The following PRKD3 variants were observed in gnomAD, a reference collection of about 807,000 sequenced individuals.
The protein encoded by PRKD3 is serine/threonine-protein kinase D3.
PRKD3 carries 47 observed loss-of-function variants against 99.2 expected under a neutral mutation model. The ratio of observed to expected loss-of-function variants is 0.47; its 90% CI spans 0.38 to 0.60. PRKD3 has a LOEUF of 0.60. Among genes scored for constraint, PRKD3 ranks in the 20% least tolerant of loss-of-function variants. PRKD3 has a pLI of 0.00. For synonymous variants in PRKD3, 392 were observed against 355.4 expected (o/e 1.10, Z -1.16); for missense variants, 1,019 against 1,088.4 (o/e 0.94, Z 0.90).
At position 37,286,329 on chromosome 2, in the gene PRKD3, C is replaced by A. The variant is rs749097710; in HGVS notation, c.758G>T (p.Trp253Leu). The A allele has an allele frequency of 1.2e-5, 19 of 1,614,066 alleles. No individual in the cohort carries two copies. In the East Asian group the frequency reaches 4.2e-4, roughly 36 times the overall value. ...HQEPSKRIPSWSGRPIWMEKM... is the reference protein window; with the variant it reads ...HQEPSKRIPSLSGRPIWMEKM... ...TTCCATCCAGATTGGGCGACCACTC[C>A]AAGAAGGAATTCTCTTACTTGGTTC... The change falls in exon 6 of 19, where the codon TGG becomes TTG. Residue 253 changes from tryptophan (W) to leucine (L), a missense_variant. Physicochemically the swap from Trp to Leu is moderately conservative, Grantham distance 61. Coordinates refer to ENST00000234179, the MANE Select transcript of PRKD3 (RefSeq NM_005813.6).
At position 37,291,010 on chromosome 2, in the gene PRKD3, GA is replaced by G; in HGVS notation, c.428-12del. The stretch of plus-strand genomic sequence containing the variant: ...CTACTGTGGCTAAAGCTTTAAAAAA[GA>G]AAAGTATTACAATACACGTTGTATT... On this transcript the variant is annotated splice_polypyrimidine_tract_variant and intron_variant, in intron 3 of 18. Coordinates refer to ENST00000234179, the MANE Select transcript of PRKD3 (RefSeq NM_005813.6). 6.3e-7 allele frequency: 1 copy of G among 1,594,612 alleles called. No homozygotes were observed. Among genetic ancestry groups the G allele is most frequent in the South Asian group, 1.1e-5 (1 of 87,846 alleles).
chr2:37,324,298 T>C, intron 1 of PRKD3: 2 of 873,986 alleles, frequency 2.3e-6, no homozygotes, highest in Non-Finnish European at 2.7e-6. Flanking sequence ...GGGAACTAGT[T>C]TGGGAGACCC....
intron 2 of PRKD3, among the ~76,000 whole-genome samples, chr2:37,315,424 G>A (rs1572705558): frequency 6.6e-6 from 1 of 152,022 alleles, no homozygotes; most frequent in Non-Finnish European, 1.5e-5. Flanking sequence ...AGAAAGCATG[G>A]TCCTATATTA....
chr2:37,275,438 C>A (rs188297860), intron 10 of PRKD3, among the ~76,000 whole-genome samples: 14 of 152,314 alleles, frequency 9.2e-5, no homozygotes, highest in African/African-American at 3.1e-4. Flanking sequence ...AAATACCTCA[C>A]TGACCTCTTC....
intron 1 of PRKD3, among the ~76,000 whole-genome samples, chr2:37,322,676 G>GA (rs1344897612): frequency 1.3e-5 from 2 of 152,046 alleles, no homozygotes; most frequent in Non-Finnish European, 2.9e-5. Context: ...CACAGAAATG[G>GA]AAAAATTTTT....
At chr2:37,269,538 A>T in intron 13 of PRKD3, 77 bp downstream of exon 13, 1 of 1,322,822 alleles carries the variant, frequency 7.6e-7, no homozygotes, top group Non-Finnish European at 1.1e-6. Context: ...TGAGATGACA[A>T]AACAGCTGGC....
At chr2:37,300,587 C>T (rs1468144632) in intron 2 of PRKD3, among the ~76,000 whole-genome samples, 2 of 152,090 alleles carry the variant, frequency 1.3e-5, no homozygotes, top group Non-Finnish European at 2.9e-5. Context: ...TCCCAATTAC[C>T]CTCATTTGAT....
intron 4 of PRKD3, 112 bp from the exon 5 acceptor site, chr2:37,289,625 C>T (rs570174618): frequency 2.2e-6 from 2 of 893,834 alleles, no homozygotes; most frequent in East Asian, 2.7e-5. Context: ...GTTAGCCATA[C>T]CTATCCTAAT....
chr2:37,292,987 A>G, intron 3 of PRKD3, 146 bp downstream of exon 3: 1 of 947,524 alleles, frequency 1.1e-6, no homozygotes, highest in Non-Finnish European at 1.5e-6. Flanking sequence ...CTGAAAGGAA[A>G]AATCATATGG....
chr2:37,267,552 GAAGAGGAACGA>G lies in PRKD3; in HGVS notation c.1778-27_1778-17del, dbSNP rs1353114905. On this transcript the variant is annotated splice_polypyrimidine_tract_variant and intron_variant, in intron 13 of 18. Coordinates refer to ENST00000234179, the MANE Select transcript of PRKD3 (RefSeq NM_005813.6). The stretch of plus-strand genomic sequence containing the variant: ...CTATGTTTTCCTATTAAGAAAAAAA[GAAGAGGAACGA>G]ATGAAGCAAACTGACAGCTTTATTA... 6.4e-7 allele frequency: 1 copy of G among 1,552,552 alleles called. No individual in the cohort carries two copies. The highest frequency in any genetic ancestry group is 8.9e-7 in the Non-Finnish European group (1 of 1,128,962).
chr2:37,253,125 A>G lies in PRKD3; in HGVS notation c.*52T>C. 1 of 1,510,606 alleles carries G rather than the reference A, an allele frequency of 6.6e-7. No individual in the cohort carries two copies. The highest frequency in any genetic ancestry group is 1.2e-5 in the South Asian group (1 of 80,218). 93.6% of individuals were successfully genotyped at this position (1,510,606 alleles called of 1,614,324 possible). A position where few individuals can be genotyped will look rare whatever the true frequency, so the allele number is the denominator to read the frequency against. On this transcript the variant is annotated 3_prime_UTR_variant, in exon 19 of 19. Coordinates refer to ENST00000234179, the MANE Select transcript of PRKD3 (RefSeq NM_005813.6). ...ATCTACAAAGAACAAGTTACACAGC[A>G]AAATATCAGTCCATAAAATGAAATC... is the stretch of plus-strand genomic sequence containing the variant.
intron 1 of PRKD3, among the ~76,000 whole-genome samples, chr2:37,321,090 T>C (rs982229332): frequency 4.7e-4 from 71 of 152,312 alleles, no homozygotes; most frequent in African/African-American, 1.7e-3. Flanking sequence ...GCTGCTTAAT[T>C]TTGTCTTTAC....
Position 37,293,182 on chromosome 2 carries a change from G to A in PRKD3, c.378C>T (p.Thr126=), listed in dbSNP as rs1670521639. 6.2e-7 allele frequency: 1 copy of A among 1,604,480 alleles called. No homozygotes were observed. Among genetic ancestry groups the A allele is most frequent in the Non-Finnish European group, 8.5e-7 (1 of 1,172,418 alleles). ...CTCCTTCATGTATTTCATCTGCTGAGGTAATCAGCTGCAAAATGTTTTCTG... is the reference window on the plus strand; with the variant it reads ...CTCCTTCATGTATTTCATCTGCTGAAGTAATCAGCTGCAAAATGTTTTCTG... ...MNSENILQLI[T]SADEIHEGDL... is the part of the protein sequence containing the mutation. The change falls in exon 3 of 19, where the codon ACC becomes ACT. Residue 126 remains threonine (T), a synonymous_variant. Coordinates refer to ENST00000234179, the MANE Select transcript of PRKD3 (RefSeq NM_005813.6).
chr2:37,300,956 G>C (rs755835147), intron 2 of PRKD3, among the ~76,000 whole-genome samples: 1 of 152,180 alleles, frequency 6.6e-6, no homozygotes, highest in Non-Finnish European at 1.5e-5. Context: ...CGTTTTTATA[G>C]TGTATTATCA....
chr2:37,296,606 G>C (rs116286457), intron 2 of PRKD3, among the ~76,000 whole-genome samples: 1 of 151,902 alleles, frequency 6.6e-6, no homozygotes, highest in Non-Finnish European at 1.5e-5. Context: ...TAGAAATTAC[G>C]TAAGAGTCAG....
intron 9 of PRKD3, 118 bp from the exon 10 acceptor site, chr2:37,275,962 T>C: frequency 7.6e-7 from 1 of 1,307,730 alleles, no homozygotes; most frequent in East Asian, 2.8e-5. Context: ...ACTTTAAGAT[T>C]CATGAGGTTC....
At chr2:37,304,109 T>C (rs1202291564) in intron 2 of PRKD3, among the ~76,000 whole-genome samples, 4 of 150,488 alleles carry the variant, frequency 2.7e-5, no homozygotes, top group African/African-American at 7.4e-5. Flanking sequence ...AACTCGATCA[T>C]AGTAAACAAG....
intron 14 of PRKD3, among the ~76,000 whole-genome samples, chr2:37,260,752 A>C (rs1668371398): frequency 6.6e-6 from 1 of 151,340 alleles, no homozygotes; most frequent in Admixed American, 6.6e-5. Context: ...GAAACCTTTG[A>C]CTCTTGGGGG....
Position 37,280,904 on chromosome 2 carries a change from T to C in PRKD3, c.989-975A>G, listed in dbSNP as rs114348688. 8.5e-3 allele frequency among the ~76,000 whole-genome samples: 1,294 copies of C among 152,162 alleles called. 27 individuals are homozygous for C. The highest frequency in any genetic ancestry group is 0.065 in the East Asian group (334 of 5,170). ...CAGGGTATTTAAAAATTCTTACAGCTCAATGAAAAATAAACAGATAAGTAA... is the reference window on the plus strand; with the variant it reads ...CAGGGTATTTAAAAATTCTTACAGCCCAATGAAAAATAAACAGATAAGTAA... On this transcript the variant is annotated intron_variant, in intron 7 of 18. Transcript: ENST00000234179.
Sources: allele counts gnomAD v4.1 joint callset (sites outside exome capture counted in the v4.1 genomes callset), GRCh38; gene constraint gnomAD v4.1.1; transcripts MANE v1.5; gene names NCBI Gene and HGNC (gene_info 2026-07-23, HGNC 2026-07-21).